Variants in PXDNL observed in about 807,000 individuals in gnomAD.
The protein encoded by PXDNL is probable oxidoreductase PXDNL.
A neutral mutation model predicts 150.8 loss-of-function variants in PXDNL; 145 were observed. That is an observed-to-expected ratio of 0.96 (90% CI 0.84 to 1.10). PXDNL has a LOEUF of 1.10. PXDNL is among the 50% of genes least tolerant of loss of function. The pLI is 0.00. For missense variants in PXDNL, 2,087 were observed against 1,873.9 expected (o/e 1.11, Z -2.10); for synonymous variants, 757 against 725.7 (o/e 1.04, Z -0.69).
chr8:51,678,313 T>C (rs933506818), intron 1 of PXDNL, among the ~76,000 whole-genome samples: 2 of 152,184 alleles, frequency 1.3e-5, no homozygotes, highest in African/African-American at 4.8e-5. Context: ...GCATAGCACC[T>C]GCTTGTCATG....
At chr8:51,613,506 A>G (rs372537623) in intron 2 of PXDNL, among the ~76,000 whole-genome samples, 2 of 149,530 alleles carry the variant, frequency 1.3e-5, no homozygotes, top group East Asian at 4.0e-4. Flanking sequence ...AGGGCGGCAG[A>G]GGGGGAAGAC....
chr8:51,720,927 G>A (rs527513163), intron 1 of PXDNL, among the ~76,000 whole-genome samples: 25 of 152,208 alleles, frequency 1.6e-4, no homozygotes, highest in Non-Finnish European at 3.1e-4. Flanking sequence ...TGACACAGAC[G>A]CTCGATCGCA....
chr8:51,787,156 G>C (rs537082307), intron 1 of PXDNL, among the ~76,000 whole-genome samples: 200 of 151,460 alleles, frequency 1.3e-3, no homozygotes, highest in African/African-American at 4.4e-3. Context: ...CAATGCACCT[G>C]GTCACCCAAG....
chr8:51,648,057 A>G (rs531863425), intron 2 of PXDNL, among the ~76,000 whole-genome samples: 6 of 152,134 alleles, frequency 3.9e-5, no homozygotes, highest in Non-Finnish European at 8.8e-5. Context: ...TTTTTCATGC[A>G]TCATTCTTCT....
chr8:51,379,266 C>T (rs1360477467), intron 17 of PXDNL, among the ~76,000 whole-genome samples: 1 of 152,042 alleles, frequency 6.6e-6, no homozygotes. Flanking sequence ...TTTGTGTTCT[C>T]TTTGTTGATC....
chr8:51,362,282 T>C (rs572673052), intron 19 of PXDNL, among the ~76,000 whole-genome samples: 22 of 152,336 alleles, frequency 1.4e-4, no homozygotes, highest in African/African-American at 5.3e-4. Flanking sequence ...GAAAATGCTT[T>C]CTTTGCTCTA....
At chr8:51,689,207 G>A (rs1815938412) in intron 1 of PXDNL, among the ~76,000 whole-genome samples, 1 of 152,220 alleles carries the variant, frequency 6.6e-6, no homozygotes, top group African/African-American at 2.4e-5. Context: ...AAGTGTGGGA[G>A]CTGCTCTGCA....
At chr8:51,521,839 T>C (rs1811671856) in intron 4 of PXDNL, among the ~76,000 whole-genome samples, 1 of 152,062 alleles carries the variant, frequency 6.6e-6, no homozygotes, top group African/African-American at 2.4e-5. Context: ...TTAGAAACCA[T>C]GCAAGCAGAA....
At chr8:51,457,753 G>A (rs902238064) in intron 8 of PXDNL, 86 bp from the exon 9 acceptor site, 3 of 904,608 alleles carry the variant, frequency 3.3e-6, no homozygotes, top group Non-Finnish European at 4.8e-6. Context: ...GTACTATATA[G>A]CTATGTTTCA....
rs532184639 is a variant in PXDNL, at chr8:51,329,818, C to T, written c.4147-8921G>A. On this transcript the variant is annotated intron_variant, in intron 21 of 22. Coordinates refer to ENST00000356297, the MANE Select transcript of PXDNL (RefSeq NM_144651.5). ...CTCCAGGGAAATAAAACCAATAAGA[C>T]GTGAATATAAAGAGATTTACTATAA... Among the ~76,000 whole-genome samples the T allele has an allele frequency of 5.9e-5, 9 of 152,194 alleles. No homozygotes were observed. In the South Asian group the frequency reaches 1.2e-3, roughly 21 times the overall value.
intron 4 of PXDNL, among the ~76,000 whole-genome samples, chr8:51,547,548 A>G (rs1003360360): frequency 7.9e-5 from 12 of 152,304 alleles, no homozygotes; most frequent in Admixed American, 5.9e-4. Context: ...GCACCAGCCT[A>G]CAGCCCAGTA....
At chr8:51,382,027 G>A (rs894315238) in intron 17 of PXDNL, among the ~76,000 whole-genome samples, 1 of 152,036 alleles carries the variant, frequency 6.6e-6, no homozygotes, top group African/African-American at 2.4e-5. Context: ...GTGCAGAGAC[G>A]GGGTTTCACC....
intron 10 of PXDNL, among the ~76,000 whole-genome samples, chr8:51,450,759 C>T (rs374612622): frequency 6.6e-6 from 1 of 152,092 alleles, no homozygotes; most frequent in Non-Finnish European, 1.5e-5. Flanking sequence ...AGCTGGAAAA[C>T]AGCCCACAAA....
intron 4 of PXDNL, among the ~76,000 whole-genome samples, chr8:51,536,930 C>T (rs1485348978): frequency 6.6e-6 from 1 of 152,174 alleles, no homozygotes; most frequent in South Asian, 2.1e-4. Context: ...TTATAAAAAT[C>T]CATTTAAAGC....
At chr8:51,577,931 GAAAGAAAGAAAGAA>G (rs1813097346) in intron 3 of PXDNL, among the ~76,000 whole-genome samples, 1 of 40,626 alleles carries the variant, frequency 2.5e-5, no homozygotes, top group Non-Finnish European at 5.3e-5. Flanking sequence ...AGAAAAGAAA[GAAAGAAAGAAAGAA>G]AGAAAGAAAG....
chr8:51,513,149 T>C (rs1811459805), intron 4 of PXDNL, among the ~76,000 whole-genome samples: 1 of 152,208 alleles, frequency 6.6e-6, no homozygotes, highest in Non-Finnish European at 1.5e-5. Context: ...GAAGACCTGG[T>C]TGCAGAGGGG....
intron 1 of PXDNL, among the ~76,000 whole-genome samples, chr8:51,707,290 T>C (rs1192329349): frequency 6.6e-6 from 1 of 152,190 alleles, no homozygotes; most frequent in Non-Finnish European, 1.5e-5. Flanking sequence ...TGCTTTCAAA[T>C]ATAGAGTCCC....
At chr8:51,429,776 C>A (rs949106935) in intron 12 of PXDNL, among the ~76,000 whole-genome samples, 1 of 145,658 alleles carries the variant, frequency 6.9e-6, no homozygotes, top group African/African-American at 2.6e-5. Context: ...TTCATCATAT[C>A]TTTCTTGTAT....
intron 4 of PXDNL, among the ~76,000 whole-genome samples, chr8:51,526,001 G>A (rs1811762522): frequency 6.6e-6 from 1 of 152,218 alleles, no homozygotes; most frequent in Non-Finnish European, 1.5e-5. Flanking sequence ...AAATGCTGCT[G>A]AAACTGCAGA....
Sources: gnomAD v4.1 joint callset for allele counts (sites outside exome capture counted in the v4.1 genomes callset) on GRCh38, gnomAD v4.1.1 for gene constraint, MANE v1.5 for transcripts, NCBI Gene and HGNC (gene_info 2026-07-23, HGNC 2026-07-21) for gene names.